The following RALGDS variants were observed in gnomAD, a reference collection of about 807,000 sequenced individuals.
The protein encoded by RALGDS is ral guanine nucleotide dissociation stimulator, also known as ral guanine nucleotide exchange factor.
RALGDS carries 44 observed loss-of-function variants against 99.8 expected under a neutral mutation model. The observed-to-expected ratio is 0.44, with a 90% CI of 0.35 to 0.57. The LOEUF (loss-of-function observed/expected upper bound fraction) is 0.57. RALGDS is among the 20% of genes least tolerant of loss of function. RALGDS has a pLI of 0.01. For missense variants in RALGDS, 1,022 were observed against 1,203.1 expected, an observed-to-expected ratio of 0.85 and a Z score of 2.23; for synonymous variants, 529 against 505.0, an observed-to-expected ratio of 1.05 and a Z score of -0.64.
upstream of RALGDS, among the ~76,000 whole-genome samples, chr9:133,125,828 C>T (rs113799268): frequency 5.3e-5 from 8 of 152,284 alleles, no homozygotes; most frequent in African/African-American, 1.9e-4. Flanking sequence ...AAACTTCTGA[C>T]CCCGGGCAGT....
At chr9:133,109,478 C>T (rs545108939) in intron 4 of RALGDS, 148 bp downstream of exon 4, 1 of 792,248 alleles carries the variant, frequency 1.3e-6, no homozygotes, top group African/African-American at 1.7e-5. Flanking sequence ...AGGCGAAGCC[C>T]CCAGACCCCA....
chr9:133,102,751 C>T, intron 13 of RALGDS, 28 bp downstream of exon 13: 2 of 1,607,888 alleles, frequency 1.2e-6, no homozygotes, highest in South Asian at 1.1e-5. Flanking sequence ...CCTGCCCCCA[C>T]TGTCCCCATT....
At chr9:133,113,792 T>C (rs541101314) in intron 1 of RALGDS, among the ~76,000 whole-genome samples, 41 of 152,268 alleles carry the variant, frequency 2.7e-4, no homozygotes, top group African/African-American at 7.9e-4. Flanking sequence ...TCTCTCTCTC[T>C]CCCAGGGATT....
intron 9 of RALGDS, 148 bp downstream of exon 9, chr9:133,105,784 A>G (rs1408699079): frequency 2.4e-6 from 2 of 817,632 alleles, no homozygotes; most frequent in Non-Finnish European, 3.6e-6. Context: ...CGGGAAAGGA[A>G]CTTTCCCAGC....
chr9:133,129,305 G>A, intron 1 of RALGDS: 1 of 1,587,936 alleles, frequency 6.3e-7, no homozygotes. Context: ...AACCTGGCCT[G>A]CTTCCCGGGC....
intron 16 of RALGDS, chr9:133,100,952 A>G (rs928790648): frequency 7.7e-6 from 8 of 1,045,238 alleles, no homozygotes; most frequent in African/African-American, 6.8e-5. Flanking sequence ...GGGCTGGGGT[A>G]CAGAGGGTGG....
At chr9:133,100,665 C>T (rs1000197779) in intron 16 of RALGDS, 2 of 1,316,912 alleles carry the variant, frequency 1.5e-6, no homozygotes, top group South Asian at 1.6e-5. Context: ...CCTCCTCCCA[C>T]ACTTCCTTGA....
At position 133,098,592 on chromosome 9, in the gene RALGDS, A is replaced by G. The variant is rs1260928782; in HGVS notation, c.2740T>C (p.Phe914Leu). 3 of 1,614,090 alleles carry G rather than the reference A, an allele frequency of 1.9e-6. No individual in the cohort carries two copies. Among genetic ancestry groups the G allele is most frequent in the Non-Finnish European group, 2.5e-6 (3 of 1,180,006 alleles). ...CAGACCCTGGGAGGATGCCCTCAGA[A>G]GATGCCCTTGGCAATCTTGAGTCCT... ...QKGLKIAKGI[F>L] is the part of the protein sequence containing the mutation. Residue 914 changes from phenylalanine (F) to leucine (L), a missense_variant, in exon 18 of 18, where the codon TTC (phenylalanine) becomes CTC (leucine). By Grantham distance (22) the Phe-to-Leu change is conservative (BLOSUM62 0). This residue lies in a region of RALGDS where 825 missense variants were observed against 994.5 expected (regional missense o/e 0.83). Transcript: ENST00000372050.
At chr9:133,116,205 C>A (rs1480132431) in intron 1 of RALGDS, among the ~76,000 whole-genome samples, 2 of 152,252 alleles carry the variant, frequency 1.3e-5, no homozygotes, top group Non-Finnish European at 2.9e-5. Flanking sequence ...CAACCCTGAT[C>A]CCCAGCGCAC....
intron 1 of RALGDS, among the ~76,000 whole-genome samples, chr9:133,128,499 T>A (rs111402930): frequency 6.6e-6 from 1 of 152,042 alleles, no homozygotes; most frequent in Non-Finnish European, 1.5e-5. Context: ...GCATCCATGA[T>A]CTCCCCTCCT....
At chr9:133,133,849 C>T (rs2119257182), upstream of RALGDS, among the ~76,000 whole-genome samples, 1 of 152,282 alleles carries the variant, frequency 6.6e-6, no homozygotes, top group East Asian at 1.9e-4. Context: ...TAGGGGCAGG[C>T]CCTGGCTGGG....
At position 133,106,678 on chromosome 9, in the gene RALGDS, T is replaced by C; in HGVS notation, c.1484A>G (p.His495Arg). The change falls in exon 8 of 18, where the codon CAC (histidine) becomes CGC (arginine). Residue 495 changes from histidine (H) to arginine (R), a missense_variant. This residue lies in a region of RALGDS where 825 missense variants were observed against 994.5 expected (regional missense o/e 0.83). Transcript: ENST00000372050. ...GTCTTCCCACGTCTTCTTCAGACGGTGGATGGAGTTGCTCTGCAGGGCAGA... is the reference window on the plus strand; with the variant it reads ...GTCTTCCCACGTCTTCTTCAGACGGCGGATGGAGTTGCTCTGCAGGGCAGA... ...ILSALQSNSIHRLKKTWEDVS... is the reference protein window; with the variant it reads ...ILSALQSNSIRRLKKTWEDVS... The C allele has an allele frequency of 1.2e-6, 2 of 1,611,754 alleles. No homozygotes were observed. The highest frequency in any genetic ancestry group is 1.7e-6 in the Non-Finnish European group (2 of 1,179,202).
Position 133,104,282 on chromosome 9 carries a change from T to C in RALGDS, c.1652A>G (p.Gln551Arg), listed in dbSNP as rs200445674. The C allele has an allele frequency of 1.5e-5, 24 of 1,613,850 alleles. No individual in the cohort carries two copies. The highest frequency in any genetic ancestry group is 3.3e-5 in the Admixed American group (2 of 60,012). Residue 551 changes from glutamine (Q) to arginine (R), a missense_variant, in exon 10 of 18, where the codon CAG (glutamine) becomes CGG (arginine). Physicochemically the swap from Gln to Arg is conservative, Grantham distance 43. This residue lies in a region of RALGDS where 825 missense variants were observed against 994.5 expected (regional missense o/e 0.83). Transcript: ENST00000372050. The stretch of plus-strand genomic sequence containing the variant: ...TCTCACCGTCTCCTTCGGCCGTTTC[T>C]GGGCTCTCTTGGGGTTCATCTCCAG... ...ATLEMNPKRA[Q>R]KRPKETGIIQ...
At chr9:133,103,925 G>A in intron 10 of RALGDS, 92 bp from the exon 11 acceptor site, 1 of 1,241,076 alleles carries the variant, frequency 8.1e-7, no homozygotes, top group Admixed American at 1.8e-5. Context: ...GAACAGCTGG[G>A]GGACCTCTGG....
intron 2 of RALGDS, among the ~76,000 whole-genome samples, chr9:133,111,664 C>T (rs1323990072): frequency 6.6e-6 from 1 of 152,238 alleles, no homozygotes; most frequent in Admixed American, 6.5e-5. Flanking sequence ...TGGCTCCAGC[C>T]TCCCTTCTGG....
At chr9:133,101,279 T>G (rs1411419226) in intron 16 of RALGDS, 1 of 1,356,046 alleles carries the variant, frequency 7.4e-7, no homozygotes, top group East Asian at 2.8e-5. Context: ...TGACCTCACC[T>G]CCCCTACAGC....
At chr9:133,099,483 G>C (rs1319941509) in intron 17 of RALGDS, 1 of 140,578 alleles carries the variant, frequency 7.1e-6, no homozygotes, top group Non-Finnish European at 1.6e-5. Flanking sequence ...GCTAATGGTG[G>C]GAGGTGGTGT....
At chr9:133,117,826 C>T (rs183294497) in intron 1 of RALGDS, among the ~76,000 whole-genome samples, 3 of 152,352 alleles carry the variant, frequency 2.0e-5, no homozygotes, top group Admixed American at 1.3e-4. Flanking sequence ...TGCCTGGGTG[C>T]AGCTTCCTGA....
intron 1 of RALGDS, among the ~76,000 whole-genome samples, chr9:133,128,701 C>T (rs1165023247): frequency 6.6e-6 from 1 of 152,168 alleles, no homozygotes; most frequent in Non-Finnish European, 1.5e-5. Context: ...CTGTGTCTTC[C>T]TAGCCTTAGT....
Sources: gnomAD v4.1 joint callset for allele counts (sites outside exome capture counted in the v4.1 genomes callset) on GRCh38, gnomAD v4.1.1 for gene constraint, gnomAD v4.1.1 regional missense constraint, MANE v1.5 for transcripts, NCBI Gene and HGNC (gene_info 2026-07-23, HGNC 2026-07-21) for gene names.